The following CTNNA2 variants were observed in gnomAD, a reference collection of about 807,000 sequenced individuals.
CTNNA2 encodes the protein catenin alpha-2.
In CTNNA2, 42 loss-of-function variants were observed where a neutral mutation model predicts 101.0. The observed-to-expected ratio is 0.42, with a 90% CI of 0.32 to 0.54. CTNNA2 has a LOEUF of 0.54. CTNNA2 is among the 20% of genes least tolerant of loss of function. CTNNA2 has a pLI of 0.14. For synonymous variants in CTNNA2, 450 were observed against 456.4 expected, an observed-to-expected ratio of 0.99 and a Z score of 0.18; for missense variants, 871 against 1,223.1, an observed-to-expected ratio of 0.71 and a Z score of 4.29.
chr2:79,949,081 G>A (rs1688703039), intron 7 of CTNNA2, among the ~76,000 whole-genome samples: 1 of 152,160 alleles, frequency 6.6e-6, no homozygotes. Context: ...AGAAGTTGGA[G>A]ATGTTTATCT....
chr2:80,269,583 GA>G (rs201132454), intron 7 of CTNNA2, among the ~76,000 whole-genome samples: 31 of 150,124 alleles, frequency 2.1e-4, no homozygotes, highest in African/African-American at 6.8e-4. Flanking sequence ...ATATCATTCA[GA>G]AAAAAAAATG....
At chr2:79,632,847 A>G (rs561168823) in intron 1 of CTNNA2, among the ~76,000 whole-genome samples, 2 of 152,334 alleles carry the variant, frequency 1.3e-5, no homozygotes, top group South Asian at 2.1e-4. Context: ...AGAGGTGGAT[A>G]ATAAATATTT....
At chr2:80,185,722 T>C (rs1429416228) in intron 7 of CTNNA2, among the ~76,000 whole-genome samples, 1 of 152,146 alleles carries the variant, frequency 6.6e-6, no homozygotes, top group East Asian at 1.9e-4. Context: ...TCTCAAAACC[T>C]TTGGTGAATG....
chr2:79,384,397 TCTCTC>T, intron 4 of CTNNA2, among the ~76,000 whole-genome samples: 2 of 73,980 alleles, frequency 2.7e-5, no homozygotes, highest in African/African-American at 8.3e-5. Context: ...TCTCTCTCTC[TCTCTC>T]TCTCTCTCTC....
At position 79,743,862 on chromosome 2, in the gene CTNNA2, A is replaced by G. The variant is rs549106114; in HGVS notation, c.103-525A>G. Among the ~76,000 whole-genome samples the G allele has an allele frequency of 3.3e-5, 5 of 152,314 alleles. 1 individual carries two copies. Among genetic ancestry groups the G allele is most frequent in the African/African-American group, 1.2e-4 (5 of 41,570 alleles). On this transcript the variant is annotated intron_variant, in intron 2 of 18. Transcript: ENST00000402739. Reference sequence around the variant, plus strand: ...ATTTACCATTTTATTTGTATAAGATAAAATTCTAAATAGCAAAGGTCTTCG... The same window carrying G: ...ATTTACCATTTTATTTGTATAAGATGAAATTCTAAATAGCAAAGGTCTTCG...
intron 4 of CTNNA2, among the ~76,000 whole-genome samples, chr2:79,386,578 T>C (rs1573141062): frequency 1.3e-5 from 2 of 152,352 alleles, no homozygotes. Flanking sequence ...CCTTCATCTG[T>C]GTTTTCATAA....
chr2:80,143,406 C>T (rs1365737914), intron 7 of CTNNA2, among the ~76,000 whole-genome samples: 1 of 152,112 alleles, frequency 6.6e-6, no homozygotes. Flanking sequence ...ATGTATCTGT[C>T]ACCTCAAATA....
chr2:79,449,622 G>GT (rs1276389601), intron 4 of CTNNA2, among the ~76,000 whole-genome samples: 1 of 151,990 alleles, frequency 6.6e-6, no homozygotes, highest in African/African-American at 2.4e-5. Flanking sequence ...GTTTACCTCT[G>GT]TTTTTTATGT....
intron 7 of CTNNA2, among the ~76,000 whole-genome samples, chr2:80,294,991 A>G (rs537901295): frequency 6.6e-6 from 1 of 152,198 alleles, no homozygotes; most frequent in Non-Finnish European, 1.5e-5. Flanking sequence ...AGCATAAAAC[A>G]CAGATCTTGA....
At chr2:79,631,691 T>A (rs1480458740) in intron 1 of CTNNA2, among the ~76,000 whole-genome samples, 2 of 152,188 alleles carry the variant, frequency 1.3e-5, no homozygotes, top group African/African-American at 4.8e-5. Context: ...ACCCAGTGCC[T>A]TCCTCTTATC....
intron 3 of CTNNA2, among the ~76,000 whole-genome samples, chr2:79,338,433 G>C (rs1001096432): frequency 1.3e-5 from 2 of 151,924 alleles, no homozygotes; most frequent in Non-Finnish European, 2.9e-5. Context: ...TTCTAGTGCA[G>C]GGAATGAAAA....
intron 8 of CTNNA2, among the ~76,000 whole-genome samples, chr2:80,408,830 T>C (rs1679295185): frequency 6.6e-6 from 1 of 152,118 alleles, no homozygotes; most frequent in Non-Finnish European, 1.5e-5. Flanking sequence ...TTAAGTAAAA[T>C]GGCACTACTA....
chr2:79,325,769 A>T (rs927519481), intron 3 of CTNNA2, among the ~76,000 whole-genome samples: 1 of 152,186 alleles, frequency 6.6e-6, no homozygotes, highest in Non-Finnish European at 1.5e-5. Flanking sequence ...TTTCATCACA[A>T]CACTTATCAT....
chr2:79,501,917 A>C (rs1414366576), intron 4 of CTNNA2, among the ~76,000 whole-genome samples: 1 of 151,646 alleles, frequency 6.6e-6, no homozygotes, highest in Non-Finnish European at 1.5e-5. Context: ...ATCTCATTGA[A>C]CTTTCTATTG....
intron 3 of CTNNA2, among the ~76,000 whole-genome samples, chr2:79,365,052 A>G (rs1426113124): frequency 6.6e-6 from 1 of 152,064 alleles, no homozygotes; most frequent in East Asian, 1.9e-4. Context: ...AGGTGGGTGG[A>G]TCACCTGAGG....
rs147665065 is a variant in CTNNA2 at position 79,798,639 on chromosome 2, C to T, written c.298+54057C>T. ...GTTAATTGGAAGCATCTAGAAATTA[C>T]GATGTGACCAAAAGGGGCCTTCGAA... is the stretch of plus-strand genomic sequence containing the variant. On this transcript the variant is annotated intron_variant, in intron 3 of 18. Coordinates refer to ENST00000402739, the MANE Select transcript of CTNNA2 (RefSeq NM_001282597.3). Among the ~76,000 whole-genome samples the T allele has an allele frequency of 1.9e-3, 276 of 144,676 alleles. 2 individuals carry two copies. Among genetic ancestry groups the T allele is most frequent in the Admixed American group, 2.5e-3 (35 of 14,158 alleles). 94.9% of individuals were successfully genotyped at this position (144,676 alleles called of 152,430 possible).
chr2:80,608,235 GC>G lies in CTNNA2; in HGVS notation c.2349del (p.Leu784CysfsTer12). 6.2e-7 allele frequency: 1 copy of G among 1,610,746 alleles called. No individual in the cohort carries two copies. The highest frequency in any genetic ancestry group is 8.5e-7 in the Non-Finnish European group (1 of 1,177,746). On this transcript the variant is annotated frameshift_variant, in exon 17 of 19. Coordinates refer to ENST00000402739, the MANE Select transcript of CTNNA2 (RefSeq NM_001282597.3). LOFTEE classifies it high-confidence loss of function. Reference protein sequence around the residue: ...QDLLAYLQRIALYCHQLNICS... With the variant: ...QDLLAYLQRIXLYCHQLNICS... ...TTTATTAGCCTACCTTCAACGAATTGCCTTGTATTGCCATCAGCTTAATATC... is the reference window on the plus strand; with the variant it reads ...TTTATTAGCCTACCTTCAACGAATTGCTTGTATTGCCATCAGCTTAATATC...
At chr2:80,620,209 G>C (rs1361624530) in intron 18 of CTNNA2, among the ~76,000 whole-genome samples, 1 of 151,670 alleles carries the variant, frequency 6.6e-6, no homozygotes, top group Non-Finnish European at 1.5e-5. Context: ...GCATCCTGGT[G>C]TGGATTATGA....
chr2:80,449,696 T>A (rs1683345836), intron 9 of CTNNA2, among the ~76,000 whole-genome samples: 1 of 152,196 alleles, frequency 6.6e-6, no homozygotes, highest in South Asian at 2.1e-4. Flanking sequence ...AATAAGGATG[T>A]GAGTTTCAGA....
Sources: allele counts gnomAD v4.1 joint callset (sites outside exome capture counted in the v4.1 genomes callset), GRCh38; gene constraint gnomAD v4.1.1; transcripts MANE v1.5; gene names NCBI Gene and HGNC (gene_info 2026-07-23, HGNC 2026-07-21).